Variants in ANKFN1 observed in about 807,000 individuals in gnomAD.
ANKFN1 encodes the protein ankyrin repeat and fibronectin type III domain containing 1.
In ANKFN1, 74 loss-of-function variants were observed where a neutral mutation model predicts 108.7. The observed-to-expected ratio is 0.68, with a 90% CI of 0.56 to 0.83. The LOEUF (loss-of-function observed/expected upper bound fraction) is 0.83. Among genes scored for constraint, ANKFN1 ranks in the 40% least tolerant of loss-of-function variants. The pLI is 0.00. For missense variants in ANKFN1, 1,505 were observed against 1,382.3 expected, an observed-to-expected ratio of 1.09 and a Z score of -1.41; for synonymous variants, 547 against 516.2, an observed-to-expected ratio of 1.06 and a Z score of -0.81.
intron 3 of ANKFN1, chr17:56,258,500 C>A (rs1205689103): frequency 1.3e-5 from 2 of 152,304 alleles, no homozygotes; most frequent in East Asian, 3.9e-4. Flanking sequence ...CCTGTGTGCA[C>A]CTGGAGCCTG....
intron 3 of ANKFN1, among the ~76,000 whole-genome samples, chr17:56,234,920 A>G (rs1917008807): frequency 1.3e-5 from 2 of 152,150 alleles, no homozygotes; most frequent in South Asian, 4.1e-4. Context: ...TCCTTGAGGA[A>G]TCACCACACT....
chr17:56,095,280 G>A (rs1416108991), intron 4 of ANKFN1, among the ~76,000 whole-genome samples: 1 of 149,150 alleles, frequency 6.7e-6, no homozygotes, highest in Non-Finnish European at 1.5e-5. Context: ...CCAGCTGCTT[G>A]TTGAATGCTT....
chr17:56,159,207 A>G (rs1909410117), intron 1 of ANKFN1, among the ~76,000 whole-genome samples: 1 of 152,180 alleles, frequency 6.6e-6, no homozygotes, highest in South Asian at 2.1e-4. Context: ...TTTAATCAAT[A>G]TCCAGAAAAT....
intron 8 of ANKFN1, among the ~76,000 whole-genome samples, chr17:56,396,018 G>T (rs901661175): frequency 1.3e-5 from 2 of 151,756 alleles, no homozygotes; most frequent in African/African-American, 4.9e-5. Flanking sequence ...CTCTCTCCTG[G>T]AACAAAATGA....
At position 56,513,705 on chromosome 17, in the gene ANKFN1, T is replaced by C. The variant is rs1325826776; in HGVS notation, c.*2436T>C. Among the ~76,000 whole-genome samples the C allele has an allele frequency of 6.6e-6, 1 of 152,224 alleles. No individual in the cohort carries two copies. The highest frequency in any genetic ancestry group is 1.5e-5 in the Non-Finnish European group (1 of 68,034). ...AAAACTGCATTAATTTTAAACCTGC[T>C]ATTTTATATTGGGGACATAAGGTTA... On this transcript the variant is annotated 3_prime_UTR_variant, in exon 21 of 21. Transcript: ENST00000682825.
At chr17:56,446,096 G>A (rs543771142) in intron 10 of ANKFN1, among the ~76,000 whole-genome samples, 56 of 152,224 alleles carry the variant, frequency 3.7e-4, no homozygotes, top group Non-Finnish European at 5.4e-4. Flanking sequence ...TTGGCATTAT[G>A]TCCAGTGCTC....
intron 11 of ANKFN1, among the ~76,000 whole-genome samples, chr17:56,452,410 T>C (rs7218500): frequency 0.79 from 119,941 of 152,128 alleles, 47,669 homozygotes; most frequent in East Asian, 0.97. Context: ...AAGGTGAACC[T>C]TACTATGTTA....
intron 20 of ANKFN1, among the ~76,000 whole-genome samples, chr17:56,509,170 AC>A (rs1378896424): frequency 6.6e-6 from 1 of 152,224 alleles, no homozygotes; most frequent in African/African-American, 2.4e-5. Context: ...AATTTATTTA[AC>A]CGTACTCCTA....
intron 4 of ANKFN1, among the ~76,000 whole-genome samples, chr17:56,121,207 C>T (rs544957826): frequency 6.6e-6 from 1 of 151,972 alleles, no homozygotes; most frequent in African/African-American, 2.4e-5. Flanking sequence ...GCGTGTTCTA[C>T]TTGTTTTTTT....
intron 4 of ANKFN1, among the ~76,000 whole-genome samples, chr17:56,334,553 A>G (rs1010550619): frequency 6.6e-5 from 10 of 152,012 alleles, no homozygotes; most frequent in Non-Finnish European, 1.2e-4. Context: ...TTTTTCAAGC[A>G]CTCTGCTAAA....
intron 3 of ANKFN1, among the ~76,000 whole-genome samples, chr17:56,269,463 A>T (rs1051848702): frequency 1.3e-5 from 2 of 152,194 alleles, no homozygotes; most frequent in Non-Finnish European, 2.9e-5. Flanking sequence ...AGATATTATC[A>T]TTATTGACTT....
chr17:56,394,902 A>G (rs2047535133), intron 8 of ANKFN1, among the ~76,000 whole-genome samples: 1 of 152,158 alleles, frequency 6.6e-6, no homozygotes, highest in Non-Finnish European at 1.5e-5. Flanking sequence ...TCTCCAGGAA[A>G]AAGTGTGTTT....
intron 1 of ANKFN1, among the ~76,000 whole-genome samples, chr17:56,166,117 A>T (rs753216330): frequency 1.7e-4 from 26 of 152,150 alleles, no homozygotes; most frequent in African/African-American, 2.7e-4. Flanking sequence ...GTGAAGAAAA[A>T]ATGCATAAAA....
intron 6 of ANKFN1, among the ~76,000 whole-genome samples, chr17:56,365,153 C>T (rs1203177890): frequency 6.6e-6 from 1 of 152,024 alleles, no homozygotes; most frequent in African/African-American, 2.4e-5. Flanking sequence ...TATTAACTGC[C>T]CAGAGTATAT....
chr17:56,398,913 A>G (rs1174310301), intron 8 of ANKFN1, among the ~76,000 whole-genome samples: 1 of 152,206 alleles, frequency 6.6e-6, no homozygotes. Context: ...TACTATCACT[A>G]TTAGGTTAAC....
At chr17:56,178,262 A>G (rs972302279) in intron 1 of ANKFN1, among the ~76,000 whole-genome samples, 2 of 152,254 alleles carry the variant, frequency 1.3e-5, no homozygotes, top group Non-Finnish European at 1.5e-5. Context: ...TGAGGGCACC[A>G]AGAGAATCAT....
intron 19 of ANKFN1, among the ~76,000 whole-genome samples, chr17:56,495,714 G>T (rs1177036697): frequency 2.6e-5 from 4 of 152,080 alleles, no homozygotes; most frequent in Admixed American, 2.6e-4. Context: ...AGCCTAAAGG[G>T]CAATTAGGCT....
At chr17:56,431,615 A>G (rs1222447843) in intron 8 of ANKFN1, among the ~76,000 whole-genome samples, 2 of 152,206 alleles carry the variant, frequency 1.3e-5, no homozygotes, top group South Asian at 2.1e-4. Context: ...TCTGGCATTG[A>G]TCCTGTCCTC....
At chr17:56,122,895 G>A (rs1906708419) in intron 4 of ANKFN1, among the ~76,000 whole-genome samples, 1 of 152,162 alleles carries the variant, frequency 6.6e-6, no homozygotes, top group Non-Finnish European at 1.5e-5. Flanking sequence ...TTCCATTTGG[G>A]TGGAGCTCAC....
Sources: gnomAD v4.1 joint callset for allele counts (sites outside exome capture counted in the v4.1 genomes callset) on GRCh38, gnomAD v4.1.1 for gene constraint, MANE v1.5 for transcripts, NCBI Gene and HGNC (gene_info 2026-07-23, HGNC 2026-07-21) for gene names.